BCAP29: variants seen among roughly 807,000 people sequenced by gnomAD.
BCAP29 encodes B cell receptor associated protein 29.
BCAP29 carries 34 observed loss-of-function variants against 31.8 expected under a neutral mutation model. That is an observed-to-expected ratio of 1.07 (90% confidence interval 0.81 to 1.42). The LOEUF is 1.42. Among genes scored for constraint, BCAP29 ranks in the 40% most tolerant of loss-of-function variants. BCAP29 has a pLI of 0.00. For missense variants in BCAP29, 314 were observed against 269.2 expected (o/e 1.17, Z -1.16); for synonymous variants, 104 against 91.3 (o/e 1.14, Z -0.79).
In BCAP29 at chr7:107,595,866, G is replaced by A; in HGVS notation, c.345-1G>A. 1 of 1,590,466 alleles carries A rather than the reference G, an allele frequency of 6.3e-7. No individual in the cohort carries two copies. Among genetic ancestry groups the A allele is most frequent in the Non-Finnish European group, 8.5e-7 (1 of 1,173,736 alleles). ...TACATTATTCTGGTTTTTTTTCTTA[G>A]AGTTTTGAGACGTCTGGTTACGCTT... On this transcript the variant is annotated splice_acceptor_variant, in intron 4 of 7. Coordinates refer to ENST00000005259, the MANE Select transcript of BCAP29 (RefSeq NM_018844.4). LOFTEE classifies it high-confidence loss of function.
chr7:107,596,118 T>G (rs938855166), intron 5 of BCAP29, 116 bp downstream of exon 5: 2 of 861,132 alleles, frequency 2.3e-6, no homozygotes. Context: ...ATGACCATAA[T>G]TAACAATATT....
At chr7:107,613,594 T>G (rs1813613049) in intron 7 of BCAP29, 162 bp downstream of exon 7, 2 of 1,491,458 alleles carry the variant, frequency 1.3e-6, no homozygotes, top group Admixed American at 1.7e-5. Flanking sequence ...GGGTAAAGAT[T>G]AGGACATTGC....
chr7:107,580,656 G>T, intron 1 of BCAP29, 103 bp from the exon 2 acceptor site: 1 of 756,386 alleles, frequency 1.3e-6, no homozygotes. Flanking sequence ...GTGGGGGAAG[G>T]TGGAACACTG....
intron 3 of BCAP29, among the ~76,000 whole-genome samples, chr7:107,587,110 T>C (rs1807843581): frequency 6.6e-6 from 1 of 152,170 alleles, no homozygotes; most frequent in Non-Finnish European, 1.5e-5. Context: ...TGTGTGTGCA[T>C]GTGTGTGTAT....
At chr7:107,595,763 C>A in intron 4 of BCAP29, 104 bp from the exon 5 acceptor site, 1 of 1,239,336 alleles carries the variant, frequency 8.1e-7, no homozygotes, top group South Asian at 1.5e-5. Context: ...CATTATCTGC[C>A]ACCACCACAC....
At chr7:107,580,660 A>G (rs1166248696) in intron 1 of BCAP29, 99 bp from the exon 2 acceptor site, 1 of 772,228 alleles carries the variant, frequency 1.3e-6, no homozygotes, top group Non-Finnish European at 2.1e-6. Flanking sequence ...GGGAAGGTGG[A>G]ACACTGTCCA....
At chr7:107,601,030 A>T (rs1374904243) in intron 6 of BCAP29, among the ~76,000 whole-genome samples, 1 of 152,204 alleles carries the variant, frequency 6.6e-6, no homozygotes, top group African/African-American at 2.4e-5. Flanking sequence ...ATAACATTGC[A>T]GTGTAGGCTT....
At chr7:107,596,113 C>A in intron 5 of BCAP29, 111 bp downstream of exon 5, 1 of 891,888 alleles carries the variant, frequency 1.1e-6, no homozygotes, top group Non-Finnish European at 1.6e-6. Flanking sequence ...AGAAAATGAC[C>A]ATAATTAACA....
At chr7:107,612,059 A>G (rs980304050) in intron 6 of BCAP29, among the ~76,000 whole-genome samples, 3 of 152,170 alleles carry the variant, frequency 2.0e-5, no homozygotes, top group African/African-American at 7.2e-5. Context: ...TATTTATATA[A>G]AAATGCCTAT....
At chr7:107,599,556 C>CTTTTTTAA (rs1382271101) in intron 5 of BCAP29, among the ~76,000 whole-genome samples, 1 of 149,246 alleles carries the variant, frequency 6.7e-6, no homozygotes, top group Non-Finnish European at 1.5e-5. Flanking sequence ...AGCTGCCTGC[C>CTTTTTTAA]TCTTTATTTA....
rs1331855599 is a variant in BCAP29, at chr7:107,593,842, G to A, written c.194-113G>A. 8.3e-6 allele frequency: 9 copies of A among 1,084,374 alleles called. No individual in the cohort carries two copies. The African/African-American group carries it at 1.1e-4, about 13-fold the overall frequency. The allele number at this position is 1,084,374 out of a possible 1,614,324, so 67.2% of individuals were successfully genotyped here. On this transcript the variant is annotated intron_variant, in intron 3 of 7. Coordinates refer to ENST00000005259, the MANE Select transcript of BCAP29 (RefSeq NM_018844.4). ...ACGGAATGACATAAAGGTCGCCTCT[G>A]CCTAAAGTCCATTATTTAAAAGTTT...
At chr7:107,613,557 T>C in intron 7 of BCAP29, 125 bp downstream of exon 7, 1 of 1,381,260 alleles carries the variant, frequency 7.2e-7, no homozygotes, top group Non-Finnish European at 1.0e-6. Flanking sequence ...TGTTAAACGA[T>C]TTAAAGAAGC....
At chr7:107,608,271 T>C (rs1304023885) in intron 6 of BCAP29, among the ~76,000 whole-genome samples, 1 of 152,190 alleles carries the variant, frequency 6.6e-6, no homozygotes, top group Non-Finnish European at 1.5e-5. Flanking sequence ...GTAAATTGTT[T>C]GGAATTCTAC....
intron 5 of BCAP29, among the ~76,000 whole-genome samples, chr7:107,599,020 T>TATAA (rs1339283127): frequency 2.2e-5 from 3 of 137,934 alleles, no homozygotes; most frequent in Non-Finnish European, 4.6e-5. Context: ...TTTATATATA[T>TATAA]AAATTTATAT....
chr7:107,590,942 A>C (rs1407180212), intron 3 of BCAP29, among the ~76,000 whole-genome samples: 1 of 152,236 alleles, frequency 6.6e-6, no homozygotes, highest in Non-Finnish European at 1.5e-5. Context: ...CAGTATACAA[A>C]AATTCAGTGT....
At chr7:107,594,562 C>T (rs539256552) in intron 4 of BCAP29, among the ~76,000 whole-genome samples, 42 of 151,898 alleles carry the variant, frequency 2.8e-4, no homozygotes, top group East Asian at 5.8e-4. Flanking sequence ...AGTGCAGTGG[C>T]GCGATCTCGG....
rs147365959 is a variant in BCAP29 at position 107,589,746 on chromosome 7, A to C, written c.194-4209A>C. ...ACCAAGATACACTATATTCTGGGCC[A>C]TAAAACAAGTCTCAATAAATACAAA... On this transcript the variant is annotated intron_variant, in intron 3 of 7. Transcript: ENST00000005259. Among the ~76,000 whole-genome samples the C allele has an allele frequency of 3.0e-4, 45 of 152,376 alleles. No individual in the cohort carries two copies. In the East Asian group the frequency reaches 8.7e-3, roughly 29 times the overall value.
At chr7:107,607,693 G>A (rs1286543072) in intron 6 of BCAP29, among the ~76,000 whole-genome samples, 1 of 145,430 alleles carries the variant, frequency 6.9e-6, no homozygotes, top group Non-Finnish European at 1.5e-5. Context: ...CTGGAGTGCA[G>A]TGGCGCAATC....
chr7:107,622,084 C>A, downstream of BCAP29: 1 of 425,136 alleles, frequency 2.4e-6, no homozygotes, highest in South Asian at 1.9e-5. Flanking sequence ...TGTATTTTGC[C>A]ATTGTCGTTG....
Sources: gnomAD v4.1 joint callset for allele counts (sites outside exome capture counted in the v4.1 genomes callset) on GRCh38, gnomAD v4.1.1 for gene constraint, MANE v1.5 for transcripts, NCBI Gene and HGNC (gene_info 2026-07-23, HGNC 2026-07-21) for gene names.